The following GRM7 variants were observed in gnomAD, a reference collection of about 807,000 sequenced individuals.
GRM7 encodes the protein glutamate metabotropic receptor 7.
GRM7 carries 35 observed loss-of-function variants against 84.5 expected under a neutral mutation model. That is an observed-to-expected ratio of 0.41 (90% CI 0.32 to 0.55). The LOEUF (loss-of-function observed/expected upper bound fraction) is 0.55, where lower values mean the gene tolerates loss of function less well. Ranked by LOEUF, GRM7 falls within the 20% of genes least tolerant of loss-of-function variation. The pLI is 0.19. For missense variants in GRM7, 1,003 were observed against 1,194.6 expected (o/e 0.84, Z 2.36); for synonymous variants, 487 against 455.1 (o/e 1.07, Z -0.89).
At chr3:7,527,608 C>A (rs1330741866) in intron 7 of GRM7, among the ~76,000 whole-genome samples, 2 of 151,722 alleles carry the variant, frequency 1.3e-5, no homozygotes, top group African/African-American at 4.8e-5. Flanking sequence ...TGTTCCAGTT[C>A]TTAGGGGGAA....
chr3:7,474,325 C>T (rs1698830907), intron 7 of GRM7, among the ~76,000 whole-genome samples: 1 of 151,992 alleles, frequency 6.6e-6, no homozygotes, highest in African/African-American at 2.4e-5. Context: ...AGCTGGAATC[C>T]CCTACCCTAT....
intron 1 of GRM7, among the ~76,000 whole-genome samples, chr3:6,878,279 T>C (rs1269554958): frequency 6.6e-6 from 1 of 152,070 alleles, no homozygotes; most frequent in Non-Finnish European, 1.5e-5. Flanking sequence ...GACCAAAAAG[T>C]TGTAACTAAA....
Position 7,092,124 on chromosome 3 carries a change from T to C in GRM7, c.520-54328T>C, listed in dbSNP as rs971893588. Among the ~76,000 whole-genome samples, 16 of 152,246 alleles carry C rather than the reference T, an allele frequency of 1.1e-4. 2 individuals are homozygous for C. The highest frequency in any genetic ancestry group is 5.2e-4 in the Admixed American group (8 of 15,292). On this transcript the variant is annotated intron_variant, in intron 1 of 9. Transcript: ENST00000357716. ...TCAGGGTTCAAGCCATTCTCCCTCCTCAACCTCCGGAGAAGCTGGGACTAC... is the reference window on the plus strand; with the variant it reads ...TCAGGGTTCAAGCCATTCTCCCTCCCCAACCTCCGGAGAAGCTGGGACTAC...
chr3:7,580,802 C>T (rs1198423931), intron 8 of GRM7, among the ~76,000 whole-genome samples: 1 of 151,894 alleles, frequency 6.6e-6, no homozygotes, highest in Non-Finnish European at 1.5e-5. Flanking sequence ...GTGAAACCAA[C>T]TTGAATATCA....
intron 1 of GRM7, among the ~76,000 whole-genome samples, chr3:6,888,186 G>C (rs1045775348): frequency 6.6e-6 from 1 of 151,994 alleles, no homozygotes; most frequent in East Asian, 1.9e-4. Flanking sequence ...TAGGTTGCCT[G>C]TTCACTCTGA....
Position 7,146,731 on chromosome 3 carries a change from C to A in GRM7, c.736+63C>A, listed in dbSNP as rs1694122814. 1.2e-5 allele frequency: 14 copies of A among 1,121,054 alleles called. No individual in the cohort carries two copies. The South Asian group carries it at 1.7e-4, about 13-fold the overall frequency. 69.4% of individuals were successfully genotyped at this position (1,121,054 alleles called of 1,614,324 possible). ...AAACGTCTGTGGCTTGTAGAGTTCT[C>A]TTCAAACTTCATTAAATAAACACTA... On this transcript the variant is annotated intron_variant, in intron 2 of 9. Transcript: ENST00000357716.
chr3:7,148,921 T>C (rs1201808539), intron 2 of GRM7, among the ~76,000 whole-genome samples: 1 of 152,162 alleles, frequency 6.6e-6, no homozygotes, highest in African/African-American at 2.4e-5. Flanking sequence ...GTCTTGAAAA[T>C]TAATACCTCT....
chr3:6,994,851 G>A lies in GRM7; in HGVS notation c.519+132944G>A, dbSNP rs76332723. On this transcript the variant is annotated intron_variant, in intron 1 of 9. Transcript: ENST00000357716. Reference sequence around the variant, plus strand: ...GTGAACTTGTGCATTTGGATGATTCGGCCAAATTGGGTTTTGTATTTCTAT... The same window carrying A: ...GTGAACTTGTGCATTTGGATGATTCAGCCAAATTGGGTTTTGTATTTCTAT... Among the ~76,000 whole-genome samples, 489 of 152,130 alleles carry A rather than the reference G, an allele frequency of 3.2e-3. 1 individual carries two copies. The East Asian group carries it at 0.043, about 13-fold the overall frequency.
At chr3:6,958,386 C>A (rs557878645) in intron 1 of GRM7, among the ~76,000 whole-genome samples, 2 of 152,028 alleles carry the variant, frequency 1.3e-5, no homozygotes, top group African/African-American at 4.8e-5. Flanking sequence ...GAATAGTAAT[C>A]TTCTGTGAGG....
chr3:7,297,546 A>G (rs1212395898), intron 2 of GRM7, among the ~76,000 whole-genome samples: 1 of 152,216 alleles, frequency 6.6e-6, no homozygotes, highest in East Asian at 1.9e-4. Flanking sequence ...GATTTCATGC[A>G]TGCTGAAAGT....
chr3:7,103,611 C>T (rs142567114), intron 1 of GRM7, among the ~76,000 whole-genome samples: 63 of 151,804 alleles, frequency 4.2e-4, no homozygotes, highest in African/African-American at 1.3e-3. Context: ...GTTTGTCTAA[C>T]AGCTTCTTAT....
intron 1 of GRM7, among the ~76,000 whole-genome samples, chr3:6,959,792 AT>A (rs1559353101): frequency 6.6e-6 from 1 of 152,176 alleles, no homozygotes; most frequent in African/African-American, 2.4e-5. Flanking sequence ...TGCAGACTCT[AT>A]TAATGCTCAT....
chr3:7,594,442 G>T (rs1203035991), intron 8 of GRM7, among the ~76,000 whole-genome samples: 1 of 152,146 alleles, frequency 6.6e-6, no homozygotes, highest in Non-Finnish European at 1.5e-5. Flanking sequence ...AGGTACTAGG[G>T]ATAGGAACAA....
At chr3:7,008,670 A>G (rs2124889832) in intron 1 of GRM7, among the ~76,000 whole-genome samples, 1 of 152,364 alleles carries the variant, frequency 6.6e-6, no homozygotes, top group Admixed American at 6.5e-5. Flanking sequence ...GTTTATATCT[A>G]CAATTCCAAA....
chr3:7,657,180 G>T (rs1262008302), intron 8 of GRM7, among the ~76,000 whole-genome samples: 1 of 152,162 alleles, frequency 6.6e-6, no homozygotes, highest in Non-Finnish European at 1.5e-5. Context: ...TTGTTGTAGT[G>T]GTGGTGTTAT....
chr3:7,551,563 A>C (rs996330965), intron 7 of GRM7, among the ~76,000 whole-genome samples: 1 of 151,290 alleles, frequency 6.6e-6, no homozygotes, highest in Non-Finnish European at 1.5e-5. Context: ...CTTGACATTT[A>C]CTTCATATAT....
intron 8 of GRM7, among the ~76,000 whole-genome samples, chr3:7,652,859 G>T (rs1379999428): frequency 6.6e-6 from 1 of 152,132 alleles, no homozygotes; most frequent in Non-Finnish European, 1.5e-5. Flanking sequence ...TTTCCATAAG[G>T]CAAGGACCAG....
intron 7 of GRM7, among the ~76,000 whole-genome samples, chr3:7,532,373 A>T (rs1701072060): frequency 6.6e-6 from 1 of 152,090 alleles, no homozygotes. Context: ...CCAGGAATTT[A>T]TCCATTTCTT....
chr3:7,601,920 A>G (rs1005643401), intron 8 of GRM7, among the ~76,000 whole-genome samples: 1 of 152,036 alleles, frequency 6.6e-6, no homozygotes, highest in Non-Finnish European at 1.5e-5. Context: ...GGATAGGACT[A>G]ATCAATCAGT....
Sources: allele counts gnomAD v4.1 joint callset (sites outside exome capture counted in the v4.1 genomes callset), GRCh38; gene constraint gnomAD v4.1.1; transcripts MANE v1.5; gene names NCBI Gene and HGNC (gene_info 2026-07-23, HGNC 2026-07-21).